THAP5: variants seen among roughly 807,000 people sequenced by gnomAD.
The protein encoded by THAP5 is THAP domain containing 5, also known as THAP domain-containing protein 5.
A neutral mutation model predicts 34.0 loss-of-function variants in THAP5; 26 were observed. That is an observed-to-expected ratio of 0.77 (90% CI 0.56 to 1.06). The LOEUF (loss-of-function observed/expected upper bound fraction) is 1.06, where lower values mean the gene tolerates loss of function less well. Among genes scored for constraint, THAP5 ranks in the 50% least tolerant of loss-of-function variants. The probability of loss-of-function intolerance (pLI) is 0.00; values close to 1 mark genes in which losing one functional copy is unlikely to be tolerated. For synonymous variants in THAP5, 125 were observed against 153.0 expected (o/e 0.82, Z 1.35); for missense variants, 394 against 452.8 (o/e 0.87, Z 1.18).
At chr7:108,566,291 T>A (rs374261694) in intron 1 of THAP5, among the ~76,000 whole-genome samples, 14 of 152,316 alleles carry the variant, frequency 9.2e-5, no homozygotes, top group African/African-American at 3.4e-4. Flanking sequence ...AAGTAAAATA[T>A]ATGTGTTCCT....
chr7:108,550,652 C>T (rs1044161494), downstream of THAP5, among the ~76,000 whole-genome samples: 9 of 152,208 alleles, frequency 5.9e-5, no homozygotes, highest in African/African-American at 2.2e-4. Context: ...TAAGGTCTCT[C>T]TCCCTGTATT....
At chr7:108,565,382 C>G in intron 2 of THAP5, 1 of 235,046 alleles carries the variant, frequency 4.3e-6, no homozygotes, top group East Asian at 8.8e-5. Context: ...GCCTGGCTAA[C>G]ATGGTGAAAC....
At chr7:108,557,567 G>A (rs1864395667), downstream of THAP5, among the ~76,000 whole-genome samples, 1 of 152,212 alleles carries the variant, frequency 6.6e-6, no homozygotes. Flanking sequence ...CATAGCAAGA[G>A]TGACCTTTAT....
intron 1 of THAP5, among the ~76,000 whole-genome samples, chr7:108,555,412 C>A (rs1175980667): frequency 6.6e-6 from 1 of 152,100 alleles, no homozygotes; most frequent in Non-Finnish European, 1.5e-5. Context: ...AAGCGATGCA[C>A]CCACCTCAGC....
intron 1 of THAP5, chr7:108,569,205 G>A: frequency 7.5e-7 from 1 of 1,330,022 alleles, no homozygotes; most frequent in Non-Finnish European, 9.7e-7. Context: ...CACGTGAAGT[G>A]GGGAAAAGAC....
Position 108,564,904 on chromosome 7 carries a change from T to A in THAP5, c.475A>T (p.Ile159Leu). The A allele has an allele frequency of 1.9e-6, 3 of 1,587,826 alleles. No homozygotes were observed. Among genetic ancestry groups the A allele is most frequent in the Non-Finnish European group, 2.6e-6 (3 of 1,163,574 alleles). The stretch of plus-strand genomic sequence containing the variant: ...TTAAGAGTTAACATGTTATTTTGTA[T>A]ACTTCCTGTTTTGGGAGCTGGTGGC... ...VKPPAPKTGS[I>L]QNNMLTLNLV... is the part of the protein sequence containing the mutation. Residue 159 changes from isoleucine (I) to leucine (L), a missense_variant, in exon 3 of 3, where the codon ATA becomes TTA. Transcript: ENST00000415914.
chr7:108,542,928 T>A, the THAP5 span, among the ~76,000 whole-genome samples: 16 of 151,800 alleles, frequency 1.1e-4, no homozygotes, highest in African/African-American at 2.9e-4. Flanking sequence ...ATTTAATTTA[T>A]TTTATTTTAT....
chr7:108,551,490 C>G (rs1864353364), downstream of THAP5, among the ~76,000 whole-genome samples: 1 of 152,190 alleles, frequency 6.6e-6, no homozygotes, highest in East Asian at 1.9e-4. Context: ...TAATTTTGGA[C>G]TTTTCAGCCT....
intron 1 of THAP5, among the ~76,000 whole-genome samples, chr7:108,566,839 A>C (rs1184074813): frequency 6.6e-6 from 1 of 152,224 alleles, no homozygotes. Flanking sequence ...GCAGAATTTG[A>C]TAGAAAATTT....
chr7:108,551,123 T>C (rs1448151724), downstream of THAP5, among the ~76,000 whole-genome samples: 1 of 152,246 alleles, frequency 6.6e-6, no homozygotes, highest in African/African-American at 2.4e-5. Flanking sequence ...GAACATGAAC[T>C]ATAGTTGGGT....
the THAP5 span, among the ~76,000 whole-genome samples, chr7:108,542,874 G>C: frequency 6.6e-6 from 1 of 151,868 alleles, no homozygotes; most frequent in Admixed American, 6.6e-5. Flanking sequence ...CTGGTGCCTT[G>C]GTGGGAATGG....
chr7:108,567,128 TG>T (rs1790503417), intron 1 of THAP5, among the ~76,000 whole-genome samples: 1 of 152,172 alleles, frequency 6.6e-6, no homozygotes, highest in East Asian at 1.9e-4. Flanking sequence ...CTGGGTACTC[TG>T]TAAGATATAA....
rs990685588 is a variant in THAP5, at chr7:108,555,666, A to G, written n.109-807T>C. ...AGGAGGCCTCAGGAAGCCTACAATG[A>G]TGGTGGAAAGGTGAAGGGGAAGCAA... On this transcript the variant is annotated intron_variant and non_coding_transcript_variant, in intron 1 of 1. Transcript: ENST00000468884. Among the ~76,000 whole-genome samples, 4 of 150,458 alleles carry G rather than the reference A, an allele frequency of 2.7e-5. No individual in the cohort carries two copies. The East Asian group carries it at 7.9e-4, about 30-fold the overall frequency.
At chr7:108,566,374 A>C (rs1790488481) in intron 1 of THAP5, among the ~76,000 whole-genome samples, 2 of 152,212 alleles carry the variant, frequency 1.3e-5, no homozygotes, top group African/African-American at 2.4e-5. Context: ...GTTTGCCTAG[A>C]ACTAGAAAAA....
At chr7:108,545,234 A>G in the THAP5 span, among the ~76,000 whole-genome samples, 3 of 152,218 alleles carry the variant, frequency 2.0e-5, no homozygotes, top group African/African-American at 7.2e-5. Context: ...AGCATTATTA[A>G]TATTACTATG....
At chr7:108,547,430 AT>A in the THAP5 span, among the ~76,000 whole-genome samples, 1 of 152,218 alleles carries the variant, frequency 6.6e-6, no homozygotes, top group Non-Finnish European at 1.5e-5. Context: ...AAAACTAAAG[AT>A]TAGGTTCTCT....
intron 1 of THAP5, among the ~76,000 whole-genome samples, chr7:108,555,702 C>CTTTT (rs11344007): frequency 7.8e-6 from 1 of 128,852 alleles, no homozygotes; most frequent in African/African-American, 2.9e-5. Flanking sequence ...GCACCTTTTT[C>CTTTT]TTTTTTTTTT....
In THAP5 at chr7:108,569,605, A is replaced by C. The variant is rs1197734846; in HGVS notation, c.-36T>G. 2 of 1,548,986 alleles carry C rather than the reference A, an allele frequency of 1.3e-6. No homozygotes were observed. The highest frequency in any genetic ancestry group is 1.4e-5 in the African/African-American group (1 of 73,012). Reference sequence around the variant, plus strand: ...AGGCCCCTGGAGACCGGGGCCGGCGACGGATGCAGGGCGGCCCTCCTCACT... The same window carrying C: ...AGGCCCCTGGAGACCGGGGCCGGCGCCGGATGCAGGGCGGCCCTCCTCACT... On this transcript the variant is annotated 5_prime_UTR_variant, in exon 1 of 3. Transcript: ENST00000415914.
chr7:108,559,870 A>G (rs1864414335), downstream of THAP5, among the ~76,000 whole-genome samples: 1 of 152,096 alleles, frequency 6.6e-6, no homozygotes, highest in Non-Finnish European at 1.5e-5. Flanking sequence ...TGATCCAATC[A>G]GCTCCCACCA....
Sources: allele counts gnomAD v4.1 joint callset (sites outside exome capture counted in the v4.1 genomes callset), GRCh38; gene constraint gnomAD v4.1.1; transcripts MANE v1.5; gene names NCBI Gene and HGNC (gene_info 2026-07-23, HGNC 2026-07-21).